LHFPL3: variants seen among roughly 807,000 people sequenced by gnomAD.
LHFPL3 encodes LHFPL tetraspan subfamily member 3 protein.
Under a neutral mutation model 19.3 loss-of-function variants are expected in LHFPL3, and 5 were observed. The observed-to-expected ratio is 0.26, with a 90% confidence interval of 0.14 to 0.54. The LOEUF is 0.54. Among genes scored for constraint, LHFPL3 ranks in the 20% least tolerant of loss-of-function variants. The pLI is 0.94. For synonymous variants in LHFPL3, 133 were observed against 126.2 expected (o/e 1.05, Z -0.36); for missense variants, 249 against 307.4 (o/e 0.81, Z 1.42).
intron 1 of LHFPL3, among the ~76,000 whole-genome samples, chr7:104,560,813 G>A (rs1444466236): frequency 1.3e-5 from 2 of 148,154 alleles, no homozygotes; most frequent in Non-Finnish European, 1.5e-5. Flanking sequence ...TCTCTTGTGG[G>A]CATTTAGTGC....
chr7:104,357,365 T>C (rs1026321406), intron 1 of LHFPL3, among the ~76,000 whole-genome samples: 1 of 152,186 alleles, frequency 6.6e-6, no homozygotes, highest in African/African-American at 2.4e-5. Flanking sequence ...AGGATACAGA[T>C]AGAGTCAGGT....
intron 1 of LHFPL3, among the ~76,000 whole-genome samples, chr7:104,564,770 C>A (rs1288190482): frequency 6.6e-6 from 1 of 152,176 alleles, no homozygotes; most frequent in Admixed American, 6.5e-5. Flanking sequence ...GCTGGGACCT[C>A]TGCTTCTGAA....
intron 2 of LHFPL3, among the ~76,000 whole-genome samples, chr7:104,741,066 G>A (rs920609478): frequency 5.9e-5 from 9 of 152,094 alleles, no homozygotes; most frequent in African/African-American, 1.2e-4. Flanking sequence ...TAAATTAATC[G>A]TCACAAAGGT....
intron 1 of LHFPL3, among the ~76,000 whole-genome samples, chr7:104,356,249 T>C (rs1790272608): frequency 2.6e-5 from 4 of 152,186 alleles, no homozygotes. Context: ...GTAGAGTAGA[T>C]AAAAGAACCT....
At chr7:104,905,307 TATAATA>T (rs1792575909) in intron 2 of LHFPL3, among the ~76,000 whole-genome samples, 1 of 152,068 alleles carries the variant, frequency 6.6e-6, no homozygotes, top group Non-Finnish European at 1.5e-5. Context: ...TATTCATATT[TATAATA>T]ATAAATCAGA....
chr7:104,571,711 C>T (rs1790234475), intron 1 of LHFPL3, among the ~76,000 whole-genome samples: 1 of 152,134 alleles, frequency 6.6e-6, no homozygotes, highest in East Asian at 1.9e-4. Flanking sequence ...TATTTCATTC[C>T]TTTTTTTCTC....
At chr7:104,881,707 C>T (rs180810548) in intron 2 of LHFPL3, among the ~76,000 whole-genome samples, 10 of 152,310 alleles carry the variant, frequency 6.6e-5, no homozygotes, top group East Asian at 1.9e-4. Context: ...TTTGAGAAGA[C>T]GCACTTCCAT....
intron 1 of LHFPL3, among the ~76,000 whole-genome samples, chr7:104,448,975 A>G (rs1249234812): frequency 6.6e-6 from 1 of 152,230 alleles, no homozygotes; most frequent in African/African-American, 2.4e-5. Flanking sequence ...TAATAGAGTT[A>G]CTTTCACAAA....
chr7:104,594,910 A>G (rs907029164), intron 1 of LHFPL3, among the ~76,000 whole-genome samples: 4 of 152,172 alleles, frequency 2.6e-5, no homozygotes, highest in Non-Finnish European at 5.9e-5. Context: ...GGTCTTCCCT[A>G]CACTGTTTAT....
chr7:104,368,949 T>C (rs941808148), intron 1 of LHFPL3, among the ~76,000 whole-genome samples: 4 of 152,318 alleles, frequency 2.6e-5, no homozygotes, highest in African/African-American at 9.6e-5. Context: ...ACAGACACTG[T>C]GCTATACATC....
chr7:104,729,116 G>T (rs2116273085), intron 1 of LHFPL3, among the ~76,000 whole-genome samples: 1 of 152,180 alleles, frequency 6.6e-6, no homozygotes. Flanking sequence ...AAAGTTCTGT[G>T]GTGCCACACT....
chr7:104,781,433 C>T (rs568965574), intron 2 of LHFPL3, among the ~76,000 whole-genome samples: 1 of 152,166 alleles, frequency 6.6e-6, no homozygotes, highest in African/African-American at 2.4e-5. Flanking sequence ...AGCCAAATTC[C>T]TCTGCTTGCA....
At chr7:104,389,765 A>G (rs957742469) in intron 1 of LHFPL3, among the ~76,000 whole-genome samples, 2 of 152,170 alleles carry the variant, frequency 1.3e-5, no homozygotes, top group Non-Finnish European at 2.9e-5. Flanking sequence ...ATAGAGAAAG[A>G]AAAAATAGTC....
intron 2 of LHFPL3, among the ~76,000 whole-genome samples, chr7:104,871,025 G>A (rs1273623180): frequency 6.6e-6 from 1 of 152,098 alleles, no homozygotes; most frequent in Admixed American, 6.6e-5. Context: ...CTTGACTGAG[G>A]GTCAACCTAA....
At chr7:104,518,108 A>G (rs1012778534) in intron 1 of LHFPL3, among the ~76,000 whole-genome samples, 3 of 152,334 alleles carry the variant, frequency 2.0e-5, no homozygotes, top group Admixed American at 6.5e-5. Context: ...AATTAGATCA[A>G]CAATAGGAAT....
At chr7:104,788,718 T>C (rs910693721) in intron 2 of LHFPL3, among the ~76,000 whole-genome samples, 9 of 152,134 alleles carry the variant, frequency 5.9e-5, no homozygotes, top group African/African-American at 2.2e-4. Flanking sequence ...CATCAACAAT[T>C]GGAGCATGTA....
chr7:104,418,098 A>T (rs1332153996), intron 1 of LHFPL3, among the ~76,000 whole-genome samples: 1 of 151,128 alleles, frequency 6.6e-6, no homozygotes, highest in Non-Finnish European at 1.5e-5. Flanking sequence ...CTGGTCTCGA[A>T]CTCCTGACCT....
At position 104,829,076 on chromosome 7, in the gene LHFPL3, C is replaced by T. The variant is rs1305079893; in HGVS notation, c.683-77111C>T. Among the ~76,000 whole-genome samples, 6 of 151,764 alleles carry T rather than the reference C, an allele frequency of 4.0e-5. No homozygotes were observed. The South Asian group carries it at 6.2e-4, about 16-fold the overall frequency. ...AACATACTGACTCCCAAAGCTCATA[C>T]TTATGAGGCTCAGATTGTGGTTTGG... On this transcript the variant is annotated intron_variant, in intron 2 of 2. Transcript: ENST00000424859.
At chr7:104,695,444 T>C (rs548515357) in intron 1 of LHFPL3, among the ~76,000 whole-genome samples, 1 of 152,218 alleles carries the variant, frequency 6.6e-6, no homozygotes, top group Non-Finnish European at 1.5e-5. Flanking sequence ...ATAACCTTTT[T>C]TGTTGGGTCT....
Sources: gnomAD v4.1 joint callset for allele counts (sites outside exome capture counted in the v4.1 genomes callset) on GRCh38, gnomAD v4.1.1 for gene constraint, MANE v1.5 for transcripts, NCBI Gene and HGNC (gene_info 2026-07-23, HGNC 2026-07-21) for gene names.